Variants in TASP1 observed in about 807,000 individuals in gnomAD.
TASP1 encodes the protein taspase 1.
TASP1 carries 16 observed loss-of-function variants against 56.6 expected under a neutral mutation model. The ratio of observed to expected loss-of-function variants is 0.28; its 90% CI spans 0.19 to 0.43. The LOEUF (loss-of-function observed/expected upper bound fraction) is 0.43, where lower values mean the gene tolerates loss of function less well. Among genes scored for constraint, TASP1 ranks in the 20% least tolerant of loss-of-function variants. The pLI is 1.00. For missense variants in TASP1, 393 were observed against 511.6 expected, an observed-to-expected ratio of 0.77 and a Z score of 2.24; for synonymous variants, 179 against 184.2, an observed-to-expected ratio of 0.97 and a Z score of 0.23.
chr20:13,266,551 C>T, the TASP1 span, among the ~76,000 whole-genome samples: 1 of 152,132 alleles, frequency 6.6e-6, no homozygotes, highest in Non-Finnish European at 1.5e-5. Context: ...AGATAGTTAA[C>T]TCAATGTTAA....
chr20:13,307,265 T>C, the TASP1 span, among the ~76,000 whole-genome samples: 284 of 152,314 alleles, frequency 1.9e-3, 3 homozygotes, highest in Non-Finnish European at 3.5e-3. Context: ...GGCCAGTCTT[T>C]TTCAAAATAC....
At chr20:13,346,022 CA>C in the TASP1 span, among the ~76,000 whole-genome samples, 1 of 151,170 alleles carries the variant, frequency 6.6e-6, no homozygotes, top group African/African-American at 2.4e-5. Context: ...GCCCATTTGA[CA>C]GGGGCCATGC....
At chr20:13,558,416 C>T (rs1286628357) in intron 8 of TASP1, among the ~76,000 whole-genome samples, 1 of 152,144 alleles carries the variant, frequency 6.6e-6, no homozygotes, top group Non-Finnish European at 1.5e-5. Flanking sequence ...CTATCAGGAG[C>T]TGTAAGAACC....
the TASP1 span, among the ~76,000 whole-genome samples, chr20:13,172,518 C>T: frequency 6.6e-6 from 1 of 151,880 alleles, no homozygotes; most frequent in Non-Finnish European, 1.5e-5. Flanking sequence ...GATTTCTTTT[C>T]ATATATATAT....
chr20:13,198,312 T>C, the TASP1 span, among the ~76,000 whole-genome samples: 1 of 152,268 alleles, frequency 6.6e-6, no homozygotes, highest in African/African-American at 2.4e-5. Flanking sequence ...TGTGGTCGGG[T>C]TCTGATGAGG....
At position 13,481,911 on chromosome 20, in the gene TASP1, C is replaced by G. The variant is rs186234711; in HGVS notation, c.985+1316G>C. ...TGTTGTTCCCTTTGCTATGGAGAAG[C>G]TTTTTAACTTGATATAATCTCTTCT... On this transcript the variant is annotated intron_variant, in intron 11 of 13. Coordinates refer to ENST00000337743, the MANE Select transcript of TASP1 (RefSeq NM_017714.3). Among the ~76,000 whole-genome samples, 223 of 152,144 alleles carry G rather than the reference C, an allele frequency of 1.5e-3. 3 individuals are homozygous for G. The South Asian group carries it at 0.018, about 13-fold the overall frequency.
At chr20:13,214,544 C>CAG in the TASP1 span, among the ~76,000 whole-genome samples, 540 of 131,672 alleles carry the variant, frequency 4.1e-3, 2 homozygotes, top group African/African-American at 6.1e-3. Context: ...CACACACACA[C>CAG]ACACACACAC....
At position 13,621,751 on chromosome 20, in the gene TASP1, A is replaced by G. The variant is rs181664099; in HGVS notation, c.282+1695T>C. On this transcript the variant is annotated intron_variant, in intron 4 of 13. Transcript: ENST00000337743. ...TAGAATGAAATAGTAAACATGATAT[A>G]TAAGTATGACTTAGGAAAATTAAAG... Among the ~76,000 whole-genome samples, 50 of 152,358 alleles carry G rather than the reference A, an allele frequency of 3.3e-4. No individual in the cohort carries two copies. In the East Asian group the frequency reaches 9.2e-3, roughly 28 times the overall value.
the TASP1 span, among the ~76,000 whole-genome samples, chr20:13,194,136 T>C: frequency 6.6e-6 from 1 of 152,168 alleles, no homozygotes; most frequent in South Asian, 2.1e-4. Context: ...TGTCTAAGTT[T>C]TTGATTTCTC....
intron 10 of TASP1, among the ~76,000 whole-genome samples, chr20:13,520,931 AAAAC>A (rs1433453831): frequency 1.3e-5 from 2 of 152,196 alleles, no homozygotes; most frequent in African/African-American, 4.8e-5. Context: ...TTACAAGAAA[AAAAC>A]AAACAACCCC....
At position 13,629,975 on chromosome 20, in the gene TASP1, G is replaced by A; in HGVS notation, c.104C>T (p.Ser35Phe). ...AAAGCCTCCTCGTTTCTCTTTATAG[G>A]ACTGCTTTGTTTCCAACTCTTTGGC... is the stretch of plus-strand genomic sequence containing the variant. ...ITAKELETKQ[S>F]YKEKRGGFVL... The change falls in exon 2 of 14, where the codon TCC becomes TTC. Residue 35 changes from serine to phenylalanine, a missense_variant. Around this residue, in one of 3 missense-constraint regions of TASP1, gnomAD observed 52 missense variants for 51.1 expected, o/e 1.02. Transcript: ENST00000337743. 6.2e-7 allele frequency: 1 copy of A among 1,613,890 alleles called. No homozygotes were observed. The highest frequency in any genetic ancestry group is 2.2e-5 in the East Asian group (1 of 44,856).
chr20:13,468,805 T>C (rs1279612222), intron 11 of TASP1, among the ~76,000 whole-genome samples: 1 of 150,724 alleles, frequency 6.6e-6, no homozygotes, highest in Non-Finnish European at 1.5e-5. Context: ...TAAGTACCCT[T>C]AGGAGAAAAA....
rs533693871 is a variant in TASP1, at chr20:13,413,263, G to A, written c.1170+4185C>T. The stretch of plus-strand genomic sequence containing the variant: ...GTGCCCTGTGCTTTCCCTAGGTGAG[G>A]GAAATATGGTATGGGCAACATCTGT... On this transcript the variant is annotated intron_variant, in intron 13 of 13. Transcript: ENST00000337743. Among the ~76,000 whole-genome samples the A allele has an allele frequency of 3.2e-4, 48 of 152,246 alleles. 1 individual carries two copies. The South Asian group carries it at 9.6e-3, about 30-fold the overall frequency.
intron 12 of TASP1, among the ~76,000 whole-genome samples, chr20:13,424,506 A>C (rs1276091177): frequency 6.6e-6 from 1 of 152,130 alleles, no homozygotes; most frequent in Non-Finnish European, 1.5e-5. Context: ...GAATTTTTCC[A>C]GGTGTAATGA....
At chr20:13,625,908 C>T (rs2048870881) in intron 2 of TASP1, among the ~76,000 whole-genome samples, 1 of 152,112 alleles carries the variant, frequency 6.6e-6, no homozygotes, top group African/African-American at 2.4e-5. Context: ...CAAGAACTGT[C>T]TCAAGAGAAT....
chr20:13,332,960 C>T, the TASP1 span, among the ~76,000 whole-genome samples: 1 of 152,172 alleles, frequency 6.6e-6, no homozygotes, highest in Non-Finnish European at 1.5e-5. Flanking sequence ...TGCTCATGGG[C>T]CATCATAACA....
At chr20:13,106,500 C>T in the TASP1 span, among the ~76,000 whole-genome samples, 1 of 152,126 alleles carries the variant, frequency 6.6e-6, no homozygotes, top group African/African-American at 2.4e-5. Flanking sequence ...GAGCATTCTC[C>T]AGACAGACAA....
chr20:13,539,558 C>A (rs1284277122), intron 8 of TASP1, among the ~76,000 whole-genome samples: 4 of 151,794 alleles, frequency 2.6e-5, no homozygotes, highest in African/African-American at 9.7e-5. Context: ...TCTAAACAAG[C>A]AAAAAAATAA....
At chr20:13,393,280 T>A in intron 13 of TASP1, 1 of 749,368 alleles carries the variant, frequency 1.3e-6, no homozygotes, top group Non-Finnish European at 2.5e-6. Flanking sequence ...TGTGTGGCTC[T>A]CCAGAACATC....
Sources: allele counts gnomAD v4.1 joint callset (sites outside exome capture counted in the v4.1 genomes callset), GRCh38; gene constraint gnomAD v4.1.1; regional missense constraint gnomAD v4.1.1; transcripts MANE v1.5; gene names NCBI Gene and HGNC (gene_info 2026-07-23, HGNC 2026-07-21).